Variants in MYO1H observed in about 807,000 individuals in gnomAD.
MYO1H encodes the protein myosin IH, also known as unconventional myosin-Ih.
Under a neutral mutation model 149.3 loss-of-function variants are expected in MYO1H, and 118 were observed. That is an observed-to-expected ratio of 0.79 (90% CI 0.68 to 0.92). The LOEUF is 0.92. MYO1H is among the 40% of genes least tolerant of loss of function. The pLI is 0.00. For missense variants in MYO1H, 1,212 were observed against 1,280.7 expected (o/e 0.95, Z 0.82); for synonymous variants, 447 against 465.2 (o/e 0.96, Z 0.50).
the MYO1H span, among the ~76,000 whole-genome samples, chr12:109,341,484 G>A: frequency 7.2e-5 from 11 of 152,186 alleles, no homozygotes; most frequent in African/African-American, 2.7e-4. Context: ...AATATTCAGA[G>A]TTTGCTATAG....
chr12:109,406,928 G>C (rs1870421573), intron 9 of MYO1H, 68 bp downstream of exon 9: 1 of 1,464,136 alleles, frequency 6.8e-7, no homozygotes, highest in Non-Finnish European at 9.5e-7. Flanking sequence ...GATAACAGCA[G>C]GGTGGTGGCC....
chr12:109,320,623 CAAAAAAA>C, the MYO1H span, among the ~76,000 whole-genome samples: 87 of 92,812 alleles, frequency 9.4e-4, no homozygotes, highest in African/African-American at 1.8e-3. Context: ...GAATCTGTCT[CAAAAAAA>C]AAAAAAAAAA....
the MYO1H span, among the ~76,000 whole-genome samples, chr12:109,318,980 T>TTTTTTTTG: frequency 7.3e-6 from 1 of 136,108 alleles, no homozygotes; most frequent in African/African-American, 2.9e-5. Context: ...TTGTTTTTTT[T>TTTTTTTTG]TTTTTTTTTT....
intron 15 of MYO1H, among the ~76,000 whole-genome samples, chr12:109,416,947 C>T (rs1050157220): frequency 4.6e-5 from 7 of 151,092 alleles, no homozygotes; most frequent in South Asian, 2.1e-4. Flanking sequence ...GCAGAGGTTG[C>T]GGTGAGTTGA....
chr12:109,322,401 G>A, the MYO1H span, among the ~76,000 whole-genome samples: 1 of 152,130 alleles, frequency 6.6e-6, no homozygotes, highest in African/African-American at 2.4e-5. Flanking sequence ...AATATTAAGT[G>A]TTTTAATTTA....
At chr12:109,325,801 C>T in the MYO1H span, among the ~76,000 whole-genome samples, 1 of 152,046 alleles carries the variant, frequency 6.6e-6, no homozygotes, top group Non-Finnish European at 1.5e-5. Flanking sequence ...TTTATGCGGC[C>T]AAGAAAACAT....
At chr12:109,364,982 A>G (rs1247655175) in intron 1 of MYO1H, among the ~76,000 whole-genome samples, 1 of 152,190 alleles carries the variant, frequency 6.6e-6, no homozygotes, top group African/African-American at 2.4e-5. Context: ...TCAAAAGGCA[A>G]TCTTCAGGCA....
At chr12:109,439,151 T>C (rs892939440) in intron 23 of MYO1H, among the ~76,000 whole-genome samples, 5 of 151,190 alleles carry the variant, frequency 3.3e-5, no homozygotes, top group Admixed American at 1.3e-4. Flanking sequence ...CTCGGCTCAC[T>C]GCAACCTCCG....
chr12:109,391,517 T>C (rs1869652981), intron 2 of MYO1H, among the ~76,000 whole-genome samples: 1 of 152,192 alleles, frequency 6.6e-6, no homozygotes, highest in Non-Finnish European at 1.5e-5. Flanking sequence ...GTCTTTGATG[T>C]TGTGAATAGT....
At chr12:109,421,159 G>A in intron 16 of MYO1H, 132 bp downstream of exon 16, 2 of 616,106 alleles carry the variant, frequency 3.2e-6, no homozygotes, top group East Asian at 5.6e-5. Flanking sequence ...GCATGTCATG[G>A]CCAGAACAGA....
chr12:109,359,242 T>C (rs2137003417), intron 1 of MYO1H: 1 of 152,180 alleles, frequency 6.6e-6, no homozygotes, highest in East Asian at 1.9e-4. Context: ...AATGGACCCT[T>C]CTTGACGATA....
At chr12:109,387,092 T>C (rs907263282) in intron 1 of MYO1H, among the ~76,000 whole-genome samples, 4 of 151,942 alleles carry the variant, frequency 2.6e-5, no homozygotes, top group Non-Finnish European at 5.9e-5. Context: ...ACTTTCTTTT[T>C]CTATTTATAT....
At chr12:109,324,160 C>G in the MYO1H span, among the ~76,000 whole-genome samples, 5 of 152,114 alleles carry the variant, frequency 3.3e-5, no homozygotes, top group Admixed American at 6.5e-5. Flanking sequence ...ATGCCTGGCT[C>G]CTGGACTCGG....
At chr12:109,344,812 G>T (rs938237937), upstream of MYO1H, among the ~76,000 whole-genome samples, 1 of 152,166 alleles carries the variant, frequency 6.6e-6, no homozygotes, top group African/African-American at 2.4e-5. Context: ...AAAAGTTCAG[G>T]TGTAAACTAC....
At position 109,403,904 on chromosome 12, in the gene MYO1H, G is replaced by A; in HGVS notation, c.751-78G>A. ...AGTACATTATATAGGACTAGCTTTTGCATCTTCAGAGAGGAATAGACATGC... is the reference window on the plus strand; with the variant it reads ...AGTACATTATATAGGACTAGCTTTTACATCTTCAGAGAGGAATAGACATGC... On this transcript the variant is annotated intron_variant, in intron 6 of 31. Coordinates refer to ENST00000310903, the Ensembl canonical transcript of MYO1H. 3 of 939,480 alleles carry A rather than the reference G, an allele frequency of 3.2e-6. No individual in the cohort carries two copies. In the South Asian group the frequency reaches 4.3e-5, roughly 13 times the overall value. The allele number at this position is 939,480 out of a possible 1,614,324, so 58.2% of individuals were successfully genotyped here.
the MYO1H span, among the ~76,000 whole-genome samples, chr12:109,327,134 C>CTTTTTTTTTTTTTTTTTT: frequency 6.3e-5 from 6 of 94,730 alleles, no homozygotes; most frequent in Non-Finnish European, 5.9e-5. Context: ...TTTTCTTTTT[C>CTTTTTTTTTTTTTTTTTT]TTTTTTTTTT....
At chr12:109,432,095 A>G (rs1267565055) in intron 19 of MYO1H, among the ~76,000 whole-genome samples, 1 of 132,298 alleles carries the variant, frequency 7.6e-6, no homozygotes, top group Non-Finnish European at 1.5e-5. Context: ...TTCGCCTCCC[A>G]GGTTCACACT....
upstream of MYO1H, among the ~76,000 whole-genome samples, chr12:109,346,347 T>C (rs964330058): frequency 3.3e-5 from 5 of 151,994 alleles, no homozygotes; most frequent in Non-Finnish European, 7.4e-5. Context: ...CTGGAACCAA[T>C]CCCCCACAGA....
chr12:109,386,383 C>T (rs540480414), intron 1 of MYO1H, among the ~76,000 whole-genome samples: 4 of 152,284 alleles, frequency 2.6e-5, no homozygotes, highest in South Asian at 2.1e-4. Flanking sequence ...GGAGTGGAAT[C>T]GCTGGATCAA....
Sources: allele counts gnomAD v4.1 joint callset (sites outside exome capture counted in the v4.1 genomes callset), GRCh38; gene constraint gnomAD v4.1.1; transcripts MANE v1.5; gene names NCBI Gene and HGNC (gene_info 2026-07-23, HGNC 2026-07-21).